The following SPATA16 variants were observed in gnomAD, a reference collection of about 807,000 sequenced individuals.
SPATA16 encodes the protein spermatogenesis associated 16, also known as spermatogenesis-associated protein 16.
Under a neutral mutation model 63.3 loss-of-function variants are expected in SPATA16, and 36 were observed. The observed-to-expected ratio is 0.57, with a 90% CI of 0.44 to 0.75. SPATA16 has a LOEUF of 0.75. Among genes scored for constraint, SPATA16 ranks in the 30% least tolerant of loss-of-function variants. SPATA16 has a pLI of 0.00. For missense variants in SPATA16, 646 were observed against 679.3 expected (o/e 0.95, Z 0.54); for synonymous variants, 203 against 216.7 (o/e 0.94, Z 0.56).
chr3:173,040,696 A>C (rs1387909843), intron 3 of SPATA16, among the ~76,000 whole-genome samples: 1 of 152,182 alleles, frequency 6.6e-6, no homozygotes, highest in East Asian at 1.9e-4. Context: ...TGACAGCTAG[A>C]ATTTTTGGAG....
intron 4 of SPATA16, among the ~76,000 whole-genome samples, chr3:172,985,318 A>G (rs1734422029): frequency 6.6e-6 from 1 of 152,208 alleles, no homozygotes; most frequent in Non-Finnish European, 1.5e-5. Flanking sequence ...AGATATTTTT[A>G]TGAAGTTTTG....
At chr3:172,938,906 A>G (rs1343405231) in intron 6 of SPATA16, among the ~76,000 whole-genome samples, 5 of 142,920 alleles carry the variant, frequency 3.5e-5, no homozygotes, top group African/African-American at 1.3e-4. Flanking sequence ...AACTCTAACC[A>G]TGATTCTTGG....
rs752000518 is a variant in SPATA16, at chr3:172,916,352, A to G, written c.1468T>C (p.Tyr490His). ...TCCTGTTGACTGATGTCCTGTAGGT[A>G]GGGAATGGTTGCTAGCTCTGCCATT... is the stretch of plus-strand genomic sequence containing the variant. ...QAMAELATIP[Y>H]LQDISQQEAE... Residue 490 changes from tyrosine to histidine, a missense_variant, in exon 9 of 11, where the codon TAC becomes CAC. Transcript: ENST00000351008. The G allele has an allele frequency of 1.3e-5, 21 of 1,613,472 alleles. 1 individual carries two copies. The South Asian group carries it at 1.4e-4, about 11-fold the overall frequency.
intron 3 of SPATA16, among the ~76,000 whole-genome samples, chr3:173,044,537 A>G (rs1735914339): frequency 6.6e-6 from 1 of 152,122 alleles, no homozygotes; most frequent in East Asian, 1.9e-4. Flanking sequence ...GTACTTTCAT[A>G]GGTTTGTTGA....
At chr3:172,961,073 C>T (rs13324686) in intron 5 of SPATA16, among the ~76,000 whole-genome samples, 14,729 of 87,328 alleles carry the variant, frequency 0.17, 1,640 homozygotes, top group South Asian at 0.24. Flanking sequence ...CTTCTTTCTT[C>T]CTTCCTTCCT....
At chr3:173,028,013 C>CCCTCCCTCCCTCCCTCCCTTCCTT (rs1560100953) in intron 3 of SPATA16, among the ~76,000 whole-genome samples, 1 of 35,070 alleles carries the variant, frequency 2.9e-5, no homozygotes, top group Admixed American at 3.7e-4. Context: ...CTCCCTCCCT[C>CCCTCCCTCCCTCCCTCCCTTCCTT]CCTTCCTTCT....
At chr3:172,958,093 T>C (rs1733643882) in intron 5 of SPATA16, among the ~76,000 whole-genome samples, 1 of 152,224 alleles carries the variant, frequency 6.6e-6, no homozygotes, top group Non-Finnish European at 1.5e-5. Flanking sequence ...CCTTCAACAT[T>C]GTCCTGTTCA....
intron 6 of SPATA16, among the ~76,000 whole-genome samples, chr3:172,955,389 A>G (rs1733545119): frequency 6.6e-6 from 1 of 152,212 alleles, no homozygotes; most frequent in Admixed American, 6.6e-5. Context: ...ACCCTCCAAA[A>G]AATCCTTTAA....
chr3:172,946,558 C>G (rs59199035), intron 6 of SPATA16, among the ~76,000 whole-genome samples: 13,279 of 151,918 alleles, frequency 0.087, 1,935 homozygotes, highest in African/African-American at 0.3. Context: ...CCAGACAGTA[C>G]TAGCCATGAG....
At chr3:172,906,172 A>G (rs1290803782) in intron 10 of SPATA16, among the ~76,000 whole-genome samples, 1 of 152,080 alleles carries the variant, frequency 6.6e-6, no homozygotes, top group Non-Finnish European at 1.5e-5. Flanking sequence ...TTTTCTATTT[A>G]CTTTAAGCCT....
intron 6 of SPATA16, among the ~76,000 whole-genome samples, chr3:172,954,166 G>A (rs1733516239): frequency 6.6e-6 from 1 of 152,196 alleles, no homozygotes. Context: ...ATTTATAAAG[G>A]AAAGAGGTTT....
chr3:172,925,024 T>A (rs920534137), intron 7 of SPATA16, among the ~76,000 whole-genome samples: 2 of 152,218 alleles, frequency 1.3e-5, no homozygotes, highest in African/African-American at 4.8e-5. Context: ...TTTGATTTCA[T>A]ATAGTAGTTT....
chr3:173,026,320 T>A (rs554545516), intron 3 of SPATA16, among the ~76,000 whole-genome samples: 1 of 152,120 alleles, frequency 6.6e-6, no homozygotes, highest in East Asian at 1.9e-4. Context: ...GGGTTCTTTA[T>A]GTACTCTGGA....
intron 4 of SPATA16, among the ~76,000 whole-genome samples, chr3:173,008,140 G>T (rs1213197133): frequency 6.6e-6 from 1 of 152,116 alleles, no homozygotes; most frequent in Non-Finnish European, 1.5e-5. Context: ...TTTACAACTA[G>T]AAGACAGGCT....
intron 6 of SPATA16, among the ~76,000 whole-genome samples, chr3:172,940,648 C>T (rs943691760): frequency 6.6e-6 from 1 of 152,062 alleles, no homozygotes; most frequent in African/African-American, 2.4e-5. Context: ...ACAAGTTTAC[C>T]TATATAACTT....
At position 173,030,027 on chromosome 3, in the gene SPATA16, G is replaced by A. The variant is rs1735564245; in HGVS notation, c.759-10452C>T. On this transcript the variant is annotated intron_variant, in intron 3 of 10. Transcript: ENST00000351008. ...AGATATCACAGGTAAGTGACAGGATGCCTAATATTGAAGACAGAGTGGTTA... is the reference window on the plus strand; with the variant it reads ...AGATATCACAGGTAAGTGACAGGATACCTAATATTGAAGACAGAGTGGTTA... 2.6e-5 allele frequency among the ~76,000 whole-genome samples: 4 copies of A among 151,914 alleles called. No individual in the cohort carries two copies. In the South Asian group the frequency reaches 8.3e-4, roughly 31 times the overall value.
chr3:173,090,785 G>A (rs532454702), intron 2 of SPATA16, among the ~76,000 whole-genome samples: 2 of 152,178 alleles, frequency 1.3e-5, no homozygotes, highest in Non-Finnish European at 2.9e-5. Context: ...CCAATGATCT[G>A]TGATAACACA....
At chr3:172,998,237 T>C (rs951001470) in intron 4 of SPATA16, among the ~76,000 whole-genome samples, 9 of 152,142 alleles carry the variant, frequency 5.9e-5, no homozygotes, top group African/African-American at 2.2e-4. Flanking sequence ...TTTTCTCATA[T>C]AGATCTTGTA....
intron 1 of SPATA16, among the ~76,000 whole-genome samples, chr3:173,130,346 G>A (rs1213726404): frequency 1.7e-5 from 2 of 115,798 alleles, no homozygotes; most frequent in African/African-American, 6.4e-5. Flanking sequence ...GCGACAGAGT[G>A]AGACTTCGTC....
Sources: allele counts gnomAD v4.1 joint callset (sites outside exome capture counted in the v4.1 genomes callset), GRCh38; gene constraint gnomAD v4.1.1; transcripts MANE v1.5; gene names NCBI Gene and HGNC (gene_info 2026-07-23, HGNC 2026-07-21).